The following PECR variants were observed in gnomAD, a reference collection of about 807,000 sequenced individuals.
PECR encodes 2,4-dienoyl-CoA reductase-related protein.
A neutral mutation model predicts 35.3 loss-of-function variants in PECR; 30 were observed. The observed-to-expected ratio is 0.85, with a 90% CI of 0.64 to 1.15. The LOEUF (loss-of-function observed/expected upper bound fraction) is 1.15, where lower values mean the gene tolerates loss of function less well. PECR is among the 50% of genes most tolerant of loss of function. The pLI is 0.00. For synonymous variants in PECR, 148 were observed against 138.9 expected (o/e 1.07, Z -0.46); for missense variants, 392 against 370.8 (o/e 1.06, Z -0.47).
At chr2:216,053,466 G>A (rs899422355) in intron 4 of PECR, among the ~76,000 whole-genome samples, 9 of 151,476 alleles carry the variant, frequency 5.9e-5, no homozygotes, top group Non-Finnish European at 1.2e-4. Context: ...GGATGGTCTC[G>A]ATCTCCTGAC....
At chr2:216,066,803 C>G (rs1198259137) in intron 1 of PECR, among the ~76,000 whole-genome samples, 2 of 152,160 alleles carry the variant, frequency 1.3e-5, no homozygotes, top group Admixed American at 1.3e-4. Flanking sequence ...ATCCTCCCAC[C>G]TGGCCTCCCA....
chr2:216,076,352 C>T (rs1440965641), intron 1 of PECR, among the ~76,000 whole-genome samples: 4 of 152,002 alleles, frequency 2.6e-5, no homozygotes, highest in Admixed American at 2.0e-4. Context: ...GCCATGCCAC[C>T]ACATGTGCCA....
At position 216,038,460 on chromosome 2, in the gene PECR, T is replaced by C. The variant is rs1694834528; in HGVS notation, c.*815A>G. 6.6e-6 allele frequency: 1 copy of C among 152,246 alleles called. No individual in the cohort carries two copies. The highest frequency in any genetic ancestry group is 2.4e-5 in the African/African-American group (1 of 41,464). 9.4% of individuals were successfully genotyped at this position (152,246 alleles called of 1,614,324 possible). A position where few individuals can be genotyped will look rare whatever the true frequency, so the allele number is the denominator to read the frequency against. ...TTGACTTCATAAACAAAAGAAACTA[T>C]ACATCAATAATTACCATAAGGCATT... On this transcript the variant is annotated 3_prime_UTR_variant, in exon 8 of 8. Transcript: ENST00000265322.
At chr2:216,045,801 T>C (rs537807988) in intron 6 of PECR, among the ~76,000 whole-genome samples, 74 of 152,358 alleles carry the variant, frequency 4.9e-4, no homozygotes, top group Non-Finnish European at 9.1e-4. Flanking sequence ...AATGAGCTCC[T>C]TTCTGAAATG....
chr2:216,051,146 C>T (rs1348371525), intron 5 of PECR, among the ~76,000 whole-genome samples: 1 of 148,698 alleles, frequency 6.7e-6, no homozygotes, highest in Non-Finnish European at 1.5e-5. Context: ...ATTAGCTGGG[C>T]ATGGTGGCTT....
intron 1 of PECR, among the ~76,000 whole-genome samples, chr2:216,076,902 C>A (rs1695712411): frequency 7.2e-6 from 1 of 138,016 alleles, no homozygotes. Flanking sequence ...TCCAATTTTA[C>A]TTTTTTTTTT....
chr2:216,070,567 G>A (rs1362857778), intron 1 of PECR, among the ~76,000 whole-genome samples: 7 of 152,102 alleles, frequency 4.6e-5, no homozygotes, highest in African/African-American at 1.2e-4. Flanking sequence ...TATTTGAGAC[G>A]GTCATTACGA....
At chr2:216,059,247 C>G (rs1204008761) in intron 3 of PECR, among the ~76,000 whole-genome samples, 1 of 152,216 alleles carries the variant, frequency 6.6e-6, no homozygotes, top group Non-Finnish European at 1.5e-5. Flanking sequence ...TTCCTTCACA[C>G]CCATCTGCAG....
At chr2:216,041,083 G>A (rs10180678) in intron 7 of PECR, among the ~76,000 whole-genome samples, 20,744 of 151,992 alleles carry the variant, frequency 0.14, 1,736 homozygotes, top group South Asian at 0.23. Flanking sequence ...AAACACCATA[G>A]TGAAAGGCTG....
intron 7 of PECR, among the ~76,000 whole-genome samples, chr2:216,041,230 G>A (rs1428357331): frequency 6.6e-6 from 1 of 152,172 alleles, no homozygotes; most frequent in Admixed American, 6.5e-5. Flanking sequence ...AAGGCCTAAG[G>A]AAGAAGCTAT....
intron 1 of PECR, among the ~76,000 whole-genome samples, chr2:216,076,431 G>T (rs1298689659): frequency 1.3e-5 from 2 of 152,158 alleles, no homozygotes; most frequent in Non-Finnish European, 2.9e-5. Context: ...TGAAAAAATG[G>T]AAATTACCTA....
intron 1 of PECR, among the ~76,000 whole-genome samples, chr2:216,071,246 G>A (rs1695581847): frequency 6.6e-6 from 1 of 152,178 alleles, no homozygotes; most frequent in Non-Finnish European, 1.5e-5. Context: ...CAAAACAGAA[G>A]CAAAGGCTTT....
chr2:216,076,571 C>G (rs771278037), intron 1 of PECR, among the ~76,000 whole-genome samples: 2 of 151,988 alleles, frequency 1.3e-5, no homozygotes, highest in Non-Finnish European at 1.5e-5. Flanking sequence ...AGGCCGAGGC[C>G]GGCAGATAAC....
rs7570946 is a variant in PECR, at chr2:216,058,140, G to A, written c.506+755C>T. 1.8e-3 allele frequency among the ~76,000 whole-genome samples: 273 copies of A among 152,242 alleles called. 4 individuals carry two copies. Among genetic ancestry groups the A allele is most frequent in the African/African-American group, 6.3e-3 (260 of 41,504 alleles). On this transcript the variant is annotated intron_variant, in intron 4 of 7. Transcript: ENST00000265322. ...GGATCCCCTCCAGGGCTTGCACGACGGCTGCGCTCTGCCCCCAGAGTTTCT... is the reference window on the plus strand; with the variant it reads ...GGATCCCCTCCAGGGCTTGCACGACAGCTGCGCTCTGCCCCCAGAGTTTCT...
chr2:216,042,490 T>C (rs1472731412), intron 7 of PECR, among the ~76,000 whole-genome samples: 2 of 152,242 alleles, frequency 1.3e-5, no homozygotes, highest in Non-Finnish European at 2.9e-5. Context: ...AATTTGCTAG[T>C]AGCCACTTAA....
chr2:216,054,362 T>C (rs1259681641), intron 4 of PECR, among the ~76,000 whole-genome samples: 1 of 136,316 alleles, frequency 7.3e-6, no homozygotes, highest in Non-Finnish European at 1.5e-5. Flanking sequence ...ACTAAGTTCT[T>C]TTTTCTTTCT....
intron 4 of PECR, among the ~76,000 whole-genome samples, chr2:216,055,703 T>C (rs1003042169): frequency 6.6e-5 from 10 of 152,166 alleles, no homozygotes; most frequent in African/African-American, 2.4e-4. Flanking sequence ...AGCGCCCTCC[T>C]GGATGCACAG....
rs766073483 is a variant in PECR at position 216,076,902 on chromosome 2, C to CT, written c.124+4715dup. Among the ~76,000 whole-genome samples, 941 of 137,978 alleles carry CT rather than the reference C, an allele frequency of 6.8e-3. 18 individuals carry two copies. Among genetic ancestry groups the CT allele is most frequent in the African/African-American group, 0.02 (738 of 37,772 alleles). The allele number at this position is 137,978 out of a possible 152,430, so 90.5% of individuals were successfully genotyped here. On this transcript the variant is annotated intron_variant, in intron 1 of 7. Transcript: ENST00000265322. ...TAAACCTAACAGCATTCCAATTTTACTTTTTTTTTTTTTTTTGAGATGGAG... is the reference window on the plus strand; with the variant it reads ...TAAACCTAACAGCATTCCAATTTTACTTTTTTTTTTTTTTTTTGAGATGGAG...
intron 4 of PECR, among the ~76,000 whole-genome samples, chr2:216,051,796 C>A (rs187074171): frequency 1.3e-5 from 2 of 152,158 alleles, no homozygotes; most frequent in Non-Finnish European, 2.9e-5. Flanking sequence ...CAAATCACTA[C>A]GTAAGAGGAA....
Sources: allele counts gnomAD v4.1 joint callset (sites outside exome capture counted in the v4.1 genomes callset), GRCh38; gene constraint gnomAD v4.1.1; transcripts MANE v1.5; gene names NCBI Gene and HGNC (gene_info 2026-07-23, HGNC 2026-07-21).